Variants in CYP19A1 observed in about 807,000 individuals in gnomAD.
CYP19A1 encodes the protein cytochrome P450 family 19 subfamily A member 1.
A neutral mutation model predicts 44.4 loss-of-function variants in CYP19A1; 32 were observed. The observed-to-expected ratio is 0.72, with a 90% CI of 0.54 to 0.97. The LOEUF (loss-of-function observed/expected upper bound fraction) is 0.97. Among genes scored for constraint, CYP19A1 ranks in the 50% least tolerant of loss-of-function variants. The pLI, the probability that CYP19A1 is intolerant of heterozygous loss-of-function variation, is 0.00. For synonymous variants in CYP19A1, 212 were observed against 215.6 expected, an observed-to-expected ratio of 0.98 and a Z score of 0.14; for missense variants, 598 against 637.8, an observed-to-expected ratio of 0.94 and a Z score of 0.67.
At position 51,325,656 on chromosome 15, in the gene CYP19A1, G is replaced by A. The variant is rs528710595; in HGVS notation, c.-39+12839C>T. Among the ~76,000 whole-genome samples the A allele has an allele frequency of 1.2e-3, 177 of 152,086 alleles. 1 individual carries two copies. The highest frequency in any genetic ancestry group is 3.8e-3 in the African/African-American group (159 of 41,476). On this transcript the variant is annotated intron_variant, in intron 1 of 9. Transcript: ENST00000396402. ...AGATCAAGACCATCCTGGCTAACAC[G>A]GTGAAACCCCGTCTCTACTAAAAAT...
chr15:51,309,586 A>G (rs751882091), intron 1 of CYP19A1, among the ~76,000 whole-genome samples: 7 of 152,240 alleles, frequency 4.6e-5, no homozygotes, highest in Non-Finnish European at 1.0e-4. Flanking sequence ...AGTAGGCAAG[A>G]AGACTGTTAA....
intron 1 of CYP19A1, among the ~76,000 whole-genome samples, chr15:51,246,214 C>T (rs1437123637): frequency 6.6e-6 from 1 of 152,142 alleles, no homozygotes; most frequent in Non-Finnish European, 1.5e-5. Flanking sequence ...CTAGAACTTG[C>T]ACAGAGGTTG....
In CYP19A1 at chr15:51,210,730, C is replaced by A. The variant is rs28757206; in HGVS notation, c.*78G>T. ...CACTGAGTGTTCACTGTGAGGATGA[C>A]ACTATTGGCAAGGATGGATGATTTG... On this transcript the variant is annotated 3_prime_UTR_variant, in exon 10 of 10. Coordinates refer to ENST00000396402, the MANE Select transcript of CYP19A1 (RefSeq NM_000103.4). The A allele has an allele frequency of 1.7e-5, 16 of 941,720 alleles. No homozygotes were observed. Among genetic ancestry groups the A allele is most frequent in the Non-Finnish European group, 2.8e-5 (16 of 565,948 alleles). The allele number at this position is 941,720 out of a possible 1,614,324, so 58.3% of individuals were successfully genotyped here.
intron 1 of CYP19A1, among the ~76,000 whole-genome samples, chr15:51,259,609 G>T (rs2034640531): frequency 6.6e-6 from 1 of 152,192 alleles, no homozygotes. Context: ...AAGAAACCAG[G>T]CATGGTAAGA....
rs527824068 is a variant in CYP19A1, at chr15:51,218,323, G to A, written c.743+218C>T. ...AGACCACACACTCAGCCCCCTTGCCGAGAAGCTGCCCAGCCAAAGGCTTCA... is the reference window on the plus strand; with the variant it reads ...AGACCACACACTCAGCCCCCTTGCCAAGAAGCTGCCCAGCCAAAGGCTTCA... On this transcript the variant is annotated intron_variant, in intron 6 of 9. Transcript: ENST00000396402. 5.2e-5 allele frequency: 31 copies of A among 596,464 alleles called. 1 individual carries two copies. In the Middle Eastern group the frequency reaches 2.4e-3, roughly 47 times the overall value. The allele number at this position is 596,464 out of a possible 1,614,324, so 36.9% of individuals were successfully genotyped here.
chr15:51,331,907 TTGTA>T (rs1280872420), intron 1 of CYP19A1, among the ~76,000 whole-genome samples: 1 of 151,900 alleles, frequency 6.6e-6, no homozygotes, highest in Non-Finnish European at 1.5e-5. Flanking sequence ...TGTTTATTTC[TTGTA>T]TGTGTGTGTA....
intron 1 of CYP19A1, among the ~76,000 whole-genome samples, chr15:51,306,482 C>A (rs575286669): frequency 6.6e-6 from 1 of 151,490 alleles, no homozygotes; most frequent in Admixed American, 6.6e-5. Context: ...ATTTCTTTAA[C>A]GTTGGAAATA....
At chr15:51,238,503 T>C (rs1361655532) in intron 2 of CYP19A1, among the ~76,000 whole-genome samples, 1 of 152,224 alleles carries the variant, frequency 6.6e-6, no homozygotes, top group Non-Finnish European at 1.5e-5. Context: ...CCATCCTTTT[T>C]TTTGAGACAG....
At chr15:51,219,307 T>C (rs1275295339) in intron 5 of CYP19A1, among the ~76,000 whole-genome samples, 1 of 152,238 alleles carries the variant, frequency 6.6e-6, no homozygotes, top group Non-Finnish European at 1.5e-5. Flanking sequence ...TAATAAATGC[T>C]CTTTAATTAA....
At chr15:51,302,374 C>T (rs1047825340) in intron 1 of CYP19A1, among the ~76,000 whole-genome samples, 3 of 152,230 alleles carry the variant, frequency 2.0e-5, no homozygotes, top group Non-Finnish European at 4.4e-5. Flanking sequence ...ATTGGCTCCA[C>T]CTGCGAATCA....
intron 1 of CYP19A1, among the ~76,000 whole-genome samples, chr15:51,306,670 A>AT (rs1033243477): frequency 1.3e-5 from 2 of 152,382 alleles, no homozygotes; most frequent in South Asian, 2.1e-4. Flanking sequence ...TTAAGTACCT[A>AT]TTCTGTGAAA....
intron 1 of CYP19A1, among the ~76,000 whole-genome samples, chr15:51,326,347 G>A (rs2036608248): frequency 6.6e-6 from 1 of 152,168 alleles, no homozygotes; most frequent in South Asian, 2.1e-4. Flanking sequence ...AAATTGCATG[G>A]GCTGCCTCAG....
chr15:51,227,755 G>C, intron 4 of CYP19A1, 24 bp downstream of exon 4: 1 of 1,058,878 alleles, frequency 9.4e-7, no homozygotes, highest in Non-Finnish European at 1.5e-6. Context: ...AAAAAAGATT[G>C]TAGCTAACTA....
At chr15:51,233,234 T>TG (rs2033158412) in intron 3 of CYP19A1, among the ~76,000 whole-genome samples, 1 of 122,622 alleles carries the variant, frequency 8.2e-6, no homozygotes, top group Non-Finnish European at 2.0e-5. Context: ...ATCTGCCTGA[T>TG]AAGTGTGACC....
chr15:51,330,603 G>T (rs1218939749), intron 1 of CYP19A1, among the ~76,000 whole-genome samples: 1 of 152,164 alleles, frequency 6.6e-6, no homozygotes, highest in Admixed American at 6.5e-5. Context: ...GTGGTCAGAG[G>T]CCTCGGCAGT....
At chr15:51,250,017 C>A (rs1217754721) in intron 1 of CYP19A1, among the ~76,000 whole-genome samples, 1 of 152,232 alleles carries the variant, frequency 6.6e-6, no homozygotes, top group Non-Finnish European at 1.5e-5. Context: ...CAGCTAGATA[C>A]ACATGGTGTG....
chr15:51,277,834 A>G (rs993432386), intron 1 of CYP19A1: 6 of 152,198 alleles, frequency 3.9e-5, no homozygotes, highest in African/African-American at 1.4e-4. Context: ...TTTTAAAAAA[A>G]TCAAAAAGCA....
intron 1 of CYP19A1, among the ~76,000 whole-genome samples, chr15:51,306,303 AG>A (rs2036214497): frequency 6.6e-6 from 1 of 152,190 alleles, no homozygotes; most frequent in Non-Finnish European, 1.5e-5. Context: ...GAGAAATAAA[AG>A]CACAGCCAGT....
rs145814846 is a variant in CYP19A1, at chr15:51,311,158, T to C, written c.-39+27337A>G. On this transcript the variant is annotated intron_variant, in intron 1 of 9. Coordinates refer to ENST00000396402, the MANE Select transcript of CYP19A1 (RefSeq NM_000103.4). Reference sequence around the variant, plus strand: ...GTTCTCAAGGGAAAAGATAAGACAATGTTGGAACTGGAAAAAAAAAACTCC... The same window carrying C: ...GTTCTCAAGGGAAAAGATAAGACAACGTTGGAACTGGAAAAAAAAAACTCC... Among the ~76,000 whole-genome samples, 1,279 of 151,922 alleles carry C rather than the reference T, an allele frequency of 8.4e-3. 20 individuals carry two copies. The highest frequency in any genetic ancestry group is 0.029 in the African/African-American group (1,203 of 41,434).
Sources: allele counts gnomAD v4.1 joint callset (sites outside exome capture counted in the v4.1 genomes callset), GRCh38; gene constraint gnomAD v4.1.1; transcripts MANE v1.5; gene names NCBI Gene and HGNC (gene_info 2026-07-23, HGNC 2026-07-21).